Variants in HOMER2 observed in about 807,000 individuals in gnomAD.
The protein encoded by HOMER2 is homer scaffold protein 2.
A neutral mutation model predicts 47.0 loss-of-function variants in HOMER2; 27 were observed. That is an observed-to-expected ratio of 0.57 (90% confidence interval 0.42 to 0.79). HOMER2 has a LOEUF of 0.79. Among genes scored for constraint, HOMER2 ranks in the 30% least tolerant of loss-of-function variants. The pLI is 0.00. For missense variants in HOMER2, 443 were observed against 435.0 expected (o/e 1.02, Z -0.16); for synonymous variants, 161 against 163.8 (o/e 0.98, Z 0.13).
exon 2 of HOMER2, chr15:82,837,229 G>A (rs1426395654): frequency 6.6e-6 from 1 of 152,230 alleles, no homozygotes; most frequent in Non-Finnish European, 1.5e-5. Flanking sequence ...GAGAACTTGT[G>A]TGATTAGTCT....
chr15:82,973,840 C>T (rs768756298), intron 1 of HOMER2, among the ~76,000 whole-genome samples: 3 of 151,458 alleles, frequency 2.0e-5, no homozygotes, highest in Non-Finnish European at 4.4e-5. Flanking sequence ...CTGAGGTGGG[C>T]GGATCACATG....
Position 82,923,486 on chromosome 15 carries a change from CAA to C in HOMER2, c.5+29043_5+29044del, listed in dbSNP as rs555074000. 3.4e-4 allele frequency among the ~76,000 whole-genome samples: 19 copies of C among 56,304 alleles called. No individual in the cohort carries two copies. The Middle Eastern group carries it at 0.035, about 103-fold the overall frequency. The allele number at this position is 56,304 out of a possible 152,430, so 36.9% of individuals were successfully genotyped here. A position where few individuals can be genotyped will look rare whatever the true frequency, so the allele number is the denominator to read the frequency against. ...TGAGTGACAGAGCAAGAGTCCGTCT[CAA>C]AAAAAAAAAAAAAAAAAGGTGCTTG... is the stretch of plus-strand genomic sequence containing the variant. On this transcript the variant is annotated intron_variant, in intron 1 of 8. Coordinates refer to ENST00000450735, the MANE Select transcript of HOMER2 (RefSeq NM_004839.4).
chr15:82,848,645 T>C (rs1453988261), downstream of HOMER2, among the ~76,000 whole-genome samples: 2 of 152,204 alleles, frequency 1.3e-5, no homozygotes, highest in Admixed American at 1.3e-4. Flanking sequence ...TTCCCAGCTG[T>C]CCAGACCCAT....
At chr15:82,878,544 A>T (rs2052424332) in intron 2 of HOMER2, among the ~76,000 whole-genome samples, 2 of 152,196 alleles carry the variant, frequency 1.3e-5, no homozygotes. Flanking sequence ...TTTTTAGAAA[A>T]TTCTCATTCT....
At chr15:82,967,360 T>C in intron 1 of HOMER2, among the ~76,000 whole-genome samples, 2 of 152,336 alleles carry the variant, frequency 1.3e-5, no homozygotes, top group Middle Eastern at 6.8e-3. Flanking sequence ...TTAGGTATGA[T>C]AACGTAAGTT....
chr15:82,985,971 C>T (rs769816506), upstream of HOMER2: 59 of 666,846 alleles, frequency 8.8e-5, no homozygotes, highest in Non-Finnish European at 1.0e-4. Context: ...TCACCTGCTC[C>T]CAATCAAAGG....
intron 1 of HOMER2, among the ~76,000 whole-genome samples, chr15:82,897,061 A>ATTTTTT (rs1489192383): frequency 6.8e-4 from 31 of 45,886 alleles, no homozygotes; most frequent in African/African-American, 1.0e-3. Context: ...ATTTGATGTC[A>ATTTTTT]TTTCTTTTTT....
At chr15:82,895,197 G>T in intron 1 of HOMER2, among the ~76,000 whole-genome samples, 1 of 152,194 alleles carries the variant, frequency 6.6e-6, no homozygotes, top group Admixed American at 6.5e-5. Flanking sequence ...AGGTCCCCTG[G>T]AGCAGGACAA....
At chr15:82,954,380 C>T (rs2054564630), upstream of HOMER2, among the ~76,000 whole-genome samples, 1 of 151,814 alleles carries the variant, frequency 6.6e-6, no homozygotes, top group African/African-American at 2.4e-5. Flanking sequence ...TCACTGCAAC[C>T]CCCACCTCCC....
intron 1 of HOMER2, among the ~76,000 whole-genome samples, chr15:82,966,631 G>C (rs1017779663): frequency 4.6e-5 from 7 of 152,204 alleles, no homozygotes; most frequent in African/African-American, 1.7e-4. Context: ...TAATAGCCAA[G>C]AGGTAGAATA....
intron 1 of HOMER2, among the ~76,000 whole-genome samples, chr15:82,949,436 G>A (rs1278459014): frequency 1.3e-5 from 2 of 152,138 alleles, no homozygotes; most frequent in Admixed American, 6.5e-5. Context: ...TTGAGGAGAG[G>A]GAGTGGTCAT....
chr15:82,928,239 G>A (rs529444213), intron 1 of HOMER2, among the ~76,000 whole-genome samples: 4 of 152,276 alleles, frequency 2.6e-5, no homozygotes, highest in Admixed American at 1.3e-4. Flanking sequence ...GGCGGCCACC[G>A]CAACACAGGT....
chr15:82,842,158 T>C (rs1006844857), exon 2 of HOMER2: 2 of 152,190 alleles, frequency 1.3e-5, no homozygotes, highest in African/African-American at 4.8e-5. Context: ...CTAGAAAAGA[T>C]AGGCTGAGAA....
chr15:82,929,113 A>G (rs1382627483), intron 1 of HOMER2, among the ~76,000 whole-genome samples: 1 of 152,116 alleles, frequency 6.6e-6, no homozygotes, highest in Non-Finnish European at 1.5e-5. Flanking sequence ...TGTCAAGATT[A>G]GTATCAATAC....
At chr15:82,845,556 T>C (rs1693287910), downstream of HOMER2, 1 of 152,210 alleles carries the variant, frequency 6.6e-6, no homozygotes, top group Admixed American at 6.5e-5. Flanking sequence ...ACATGGACAT[T>C]GATCTTGCAA....
chr15:82,941,945 C>T (rs2054276403), intron 1 of HOMER2, among the ~76,000 whole-genome samples: 2 of 152,162 alleles, frequency 1.3e-5, no homozygotes, highest in Admixed American at 1.3e-4. Flanking sequence ...TTGCTCCAGT[C>T]ACACAGGCAG....
At chr15:82,899,382 C>G (rs975390024) in intron 1 of HOMER2, among the ~76,000 whole-genome samples, 1 of 152,214 alleles carries the variant, frequency 6.6e-6, no homozygotes, top group African/African-American at 2.4e-5. Context: ...TCATCTGGCC[C>G]CTGACCCACA....
chr15:82,890,880 G>A (rs190231012), intron 2 of HOMER2, among the ~76,000 whole-genome samples: 250 of 152,200 alleles, frequency 1.6e-3, no homozygotes, highest in Non-Finnish European at 2.6e-3. Flanking sequence ...CAATTCCAGC[G>A]CAGAAGCACA....
intron 1 of HOMER2, among the ~76,000 whole-genome samples, chr15:82,966,611 G>A (rs942287441): frequency 6.6e-6 from 1 of 152,170 alleles, no homozygotes; most frequent in African/African-American, 2.4e-5. Flanking sequence ...GCGGGAAAAT[G>A]TTAAGATACT....
Sources: allele counts gnomAD v4.1 joint callset (sites outside exome capture counted in the v4.1 genomes callset), GRCh38; gene constraint gnomAD v4.1.1; transcripts MANE v1.5; gene names NCBI Gene and HGNC (gene_info 2026-07-23, HGNC 2026-07-21).